ST18: variants seen among roughly 807,000 people sequenced by gnomAD.
The protein encoded by ST18 is ST18 C2H2C-type zinc finger transcription factor.
ST18 carries 50 observed loss-of-function variants against 110.0 expected under a neutral mutation model. The observed-to-expected ratio is 0.45, with a 90% CI of 0.36 to 0.58. The LOEUF is 0.58. Ranked by LOEUF, ST18 falls within the 20% of genes least tolerant of loss-of-function variation. ST18 has a pLI of 0.00. For missense variants in ST18, 1,306 were observed against 1,280.1 expected (o/e 1.02, Z -0.31); for synonymous variants, 461 against 452.4 (o/e 1.02, Z -0.24).
At chr8:52,387,746 C>G (rs1027761980) in intron 2 of ST18, among the ~76,000 whole-genome samples, 10 of 152,056 alleles carry the variant, frequency 6.6e-5, no homozygotes, top group African/African-American at 1.9e-4. Context: ...GACTTGCCTG[C>G]CAGGAATGTC....
Position 52,149,936 on chromosome 8 carries a change from T to A in ST18, c.1848A>T (p.Leu616Phe). 1 of 1,614,134 alleles carries A rather than the reference T, an allele frequency of 6.2e-7. No individual in the cohort carries two copies. The highest frequency in any genetic ancestry group is 8.5e-7 in the Non-Finnish European group (1 of 1,180,012). Residue 616 changes from leucine to phenylalanine, a missense_variant, in exon 16 of 26, where the codon TTA (leucine) becomes TTT (phenylalanine). Coordinates refer to ENST00000689386, the MANE Select transcript of ST18 (RefSeq NM_001352837.2). ...CCAGGATTCGATTTTTTTTCATGCT[T>A]AAGTCCAATGTGCCATTTTCATCCA... ...IEVDENGTLD[L>F]SMKKNRILDK... is the part of the protein sequence containing the mutation.
rs941744844 is a variant in ST18, at chr8:52,362,976, C to T, written c.-465+46352G>A. On this transcript the variant is annotated intron_variant, in intron 2 of 25. Transcript: ENST00000689386. ...CCTGTAATCCCAGCACTTTGGGAGG[C>T]TGAGGTGGGCGGATCACGAGGTCAG... is the stretch of plus-strand genomic sequence containing the variant. 5.3e-5 allele frequency among the ~76,000 whole-genome samples: 8 copies of T among 152,294 alleles called. No homozygotes were observed. In the East Asian group the frequency reaches 1.5e-3, roughly 29 times the overall value.
At chr8:52,236,388 T>C (rs1050002887) in intron 2 of ST18, among the ~76,000 whole-genome samples, 1 of 152,094 alleles carries the variant, frequency 6.6e-6, no homozygotes, top group Non-Finnish European at 1.5e-5. Context: ...AGCGGGTGGA[T>C]CACTTGAGTT....
intron 9 of ST18, among the ~76,000 whole-genome samples, chr8:52,179,347 C>A (rs1047617670): frequency 6.6e-6 from 1 of 152,308 alleles, no homozygotes; most frequent in African/African-American, 2.4e-5. Flanking sequence ...TTTCACTTAG[C>A]ACACAAAAGG....
intron 2 of ST18, among the ~76,000 whole-genome samples, chr8:52,395,784 C>T (rs1034370699): frequency 4.6e-5 from 7 of 152,198 alleles, no homozygotes; most frequent in African/African-American, 1.7e-4. Flanking sequence ...ACTGAAAGTA[C>T]TCTCCAACCT....
intron 2 of ST18, among the ~76,000 whole-genome samples, chr8:52,308,602 C>T (rs981456207): frequency 6.6e-6 from 1 of 152,244 alleles, no homozygotes; most frequent in Non-Finnish European, 1.5e-5. Context: ...TCCCAGAAAC[C>T]TCTCCTTGAA....
intron 15 of ST18, among the ~76,000 whole-genome samples, chr8:52,158,040 T>TA (rs1194656751): frequency 6.6e-6 from 1 of 152,250 alleles, no homozygotes; most frequent in East Asian, 1.9e-4. Context: ...ACTGAAGCAC[T>TA]TTCTGTAAAT....
At chr8:52,235,473 A>C (rs1469127121) in intron 2 of ST18, among the ~76,000 whole-genome samples, 1 of 152,178 alleles carries the variant, frequency 6.6e-6, no homozygotes, top group African/African-American at 2.4e-5. Flanking sequence ...TTCACATGGG[A>C]ACCAGCTGAC....
intron 2 of ST18, among the ~76,000 whole-genome samples, chr8:52,396,776 C>A (rs887106691): frequency 1.3e-5 from 2 of 152,166 alleles, no homozygotes; most frequent in African/African-American, 4.8e-5. Flanking sequence ...AGGTCCCTCC[C>A]CCATCACGTG....
At chr8:52,124,904 C>G (rs986441380) in intron 23 of ST18, among the ~76,000 whole-genome samples, 1 of 152,138 alleles carries the variant, frequency 6.6e-6, no homozygotes. Context: ...TTTTAAAAAT[C>G]ACACACACAA....
intron 17 of ST18, chr8:52,137,900 G>A (rs752580848): frequency 1.2e-5 from 2 of 167,736 alleles, no homozygotes; most frequent in Non-Finnish European, 2.6e-5. Context: ...TTGGGAGTTC[G>A]AGACCAGCCT....
At chr8:52,267,483 T>TAAAAAA (rs57769643) in intron 2 of ST18, among the ~76,000 whole-genome samples, 3 of 115,036 alleles carry the variant, frequency 2.6e-5, no homozygotes, top group African/African-American at 3.2e-5. Context: ...AGAGATAAGC[T>TAAAAAA]AAAAAAAAAA....
At position 52,222,305 on chromosome 8, in the gene ST18, G is replaced by A. The variant is rs148024553; in HGVS notation, c.-418-512C>T. On this transcript the variant is annotated intron_variant, in intron 3 of 25. Transcript: ENST00000689386. ...TTGCAATTTTTTACTACTTTTAATAGCATTTCTCAAAGGGCTCATTTTCAA... is the reference window on the plus strand; with the variant it reads ...TTGCAATTTTTTACTACTTTTAATAACATTTCTCAAAGGGCTCATTTTCAA... Among the ~76,000 whole-genome samples the A allele has an allele frequency of 1.4e-3, 210 of 152,240 alleles. 2 individuals carry two copies. The highest frequency in any genetic ancestry group is 4.7e-3 in the African/African-American group (197 of 41,558).
chr8:52,192,089 A>G (rs2074698426), intron 8 of ST18, among the ~76,000 whole-genome samples: 1 of 152,198 alleles, frequency 6.6e-6, no homozygotes, highest in Non-Finnish European at 1.5e-5. Flanking sequence ...ATGGAGTAGC[A>G]TTAGTGGCAG....
intron 17 of ST18, chr8:52,137,827 G>A (rs558113023): frequency 5.2e-4 from 111 of 213,644 alleles, no homozygotes; most frequent in African/African-American, 2.3e-3. Flanking sequence ...ATGTTGCCGG[G>A]CATGGTGGCT....
At chr8:52,388,901 C>T (rs937008465) in intron 2 of ST18, among the ~76,000 whole-genome samples, 2 of 148,496 alleles carry the variant, frequency 1.3e-5, no homozygotes, top group Non-Finnish European at 3.0e-5. Flanking sequence ...ACCAGCATGG[C>T]ACATGTATAC....
At chr8:52,236,446 CTA>C (rs2092687073) in intron 2 of ST18, among the ~76,000 whole-genome samples, 2 of 152,120 alleles carry the variant, frequency 1.3e-5, no homozygotes, top group South Asian at 4.2e-4. Context: ...CCTGTCTCTA[CTA>C]AAAATACAAA....
At chr8:52,194,178 A>T (rs2075457362) in intron 8 of ST18, among the ~76,000 whole-genome samples, 1 of 152,214 alleles carries the variant, frequency 6.6e-6, no homozygotes, top group African/African-American at 2.4e-5. Flanking sequence ...CCATTAAAAG[A>T]TACAATTTAA....
rs2092825717 is a variant in ST18, at chr8:52,237,380, G to C, written c.-464-7303C>G. 2.0e-5 allele frequency among the ~76,000 whole-genome samples: 3 copies of C among 152,020 alleles called. No homozygotes were observed. In the South Asian group the frequency reaches 6.2e-4, roughly 32 times the overall value. On this transcript the variant is annotated intron_variant, in intron 2 of 25. Coordinates refer to ENST00000689386, the MANE Select transcript of ST18 (RefSeq NM_001352837.2). Reference sequence around the variant, plus strand: ...ATTATTCTATTATTTCTTCACACTAGATACTATTATAAATGCTTTATGTAT... The same window carrying C: ...ATTATTCTATTATTTCTTCACACTACATACTATTATAAATGCTTTATGTAT...
Sources: gnomAD v4.1 joint callset for allele counts (sites outside exome capture counted in the v4.1 genomes callset) on GRCh38, gnomAD v4.1.1 for gene constraint, MANE v1.5 for transcripts, NCBI Gene and HGNC (gene_info 2026-07-23, HGNC 2026-07-21) for gene names.